Variants in CHRM5 observed in about 807,000 individuals in gnomAD.
CHRM5 encodes muscarinic acetylcholine receptor M5.
In CHRM5, 18 loss-of-function variants were observed where a neutral mutation model predicts 39.0. That is an observed-to-expected ratio of 0.46 (90% CI 0.32 to 0.68). CHRM5 has a LOEUF of 0.68. Among genes scored for constraint, CHRM5 ranks in the 30% least tolerant of loss-of-function variants. The pLI is 0.04. For missense variants in CHRM5, 515 were observed against 651.1 expected (o/e 0.79, Z 2.28); for synonymous variants, 241 against 246.3 (o/e 0.98, Z 0.20).
chr15:34,054,142 C>T (rs150974134), intron 2 of CHRM5, among the ~76,000 whole-genome samples: 413 of 152,266 alleles, frequency 2.7e-3, no homozygotes, highest in African/African-American at 9.2e-3. Flanking sequence ...CATCTCATGC[C>T]AGTGAGAATG....
At position 34,066,352 on chromosome 15, in the gene CHRM5, A is replaced by G. The variant is rs576619355; in HGVS notation, c.*2036A>G. The G allele has an allele frequency of 6.6e-6, 1 of 152,404 alleles. No homozygotes were observed. The highest frequency in any genetic ancestry group is 1.9e-4 in the East Asian group (1 of 5,196). 9.4% of individuals were successfully genotyped at this position (152,404 alleles called of 1,614,324 possible). ...AACCCCTTCATGAGAATAGGCTTTT[A>G]AGCCCATGTTGGGCATTCACCATTC... On this transcript the variant is annotated 3_prime_UTR_variant, in exon 3 of 3. Transcript: ENST00000383263.
chr15:34,011,528 T>C (rs1366779641), intron 1 of CHRM5, among the ~76,000 whole-genome samples: 1 of 152,146 alleles, frequency 6.6e-6, no homozygotes, highest in Non-Finnish European at 1.5e-5. Context: ...AATAAAATGA[T>C]CCACATGATA....
rs551855811 is a variant in CHRM5, at chr15:33,986,433, T to TA, written c.-408+17284dup. ...CCACTGTAAATTTTTATAAACTCTG[T>TA]ATAAACACAAGGCAGAAGACTCTAC... On this transcript the variant is annotated intron_variant, in intron 1 of 2. Transcript: ENST00000383263. 1.3e-4 allele frequency among the ~76,000 whole-genome samples: 20 copies of TA among 152,016 alleles called. No homozygotes were observed. In the South Asian group the frequency reaches 4.0e-3, roughly 30 times the overall value.
intron 1 of CHRM5, among the ~76,000 whole-genome samples, chr15:33,988,208 G>C (rs1896560645): frequency 6.6e-6 from 1 of 152,232 alleles, no homozygotes; most frequent in African/African-American, 2.4e-5. Context: ...AACAAAAAAT[G>C]TGTATCTTAG....
chr15:34,029,428 C>G (rs367803504), intron 1 of CHRM5, among the ~76,000 whole-genome samples: 1 of 149,796 alleles, frequency 6.7e-6, no homozygotes, highest in Non-Finnish European at 1.5e-5. Flanking sequence ...TGCCTGTAAT[C>G]CCAGCACTTT....
At chr15:34,014,863 G>A (rs1162389488) in intron 1 of CHRM5, among the ~76,000 whole-genome samples, 1 of 152,172 alleles carries the variant, frequency 6.6e-6, no homozygotes, top group African/African-American at 2.4e-5. Flanking sequence ...ACTCCACTCT[G>A]AAGAAAAACT....
intron 1 of CHRM5, among the ~76,000 whole-genome samples, chr15:34,009,177 G>C (rs1376220734): frequency 6.6e-6 from 1 of 152,050 alleles, no homozygotes; most frequent in African/African-American, 2.4e-5. Flanking sequence ...TCTTTCAAAA[G>C]TGAGGGTGAA....
chr15:34,060,803 G>A (rs1207891349), intron 2 of CHRM5, among the ~76,000 whole-genome samples: 3 of 152,168 alleles, frequency 2.0e-5, no homozygotes, highest in African/African-American at 7.2e-5. Context: ...CCAAGGGGCA[G>A]AGGTTGCAGT....
intron 1 of CHRM5, chr15:34,039,156 T>C: frequency 1.1e-6 from 1 of 922,344 alleles, no homozygotes; most frequent in Non-Finnish European, 1.3e-6. Flanking sequence ...AGGCGCCCGG[T>C]AGCAGCGAGG....
intron 2 of CHRM5, among the ~76,000 whole-genome samples, chr15:34,055,226 C>T (rs1012752852): frequency 7.3e-5 from 11 of 151,430 alleles, no homozygotes; most frequent in African/African-American, 1.2e-4. Flanking sequence ...AGGCCAGGCC[C>T]GGTAGCTCGC....
chr15:33,988,904 C>T (rs1209639726), intron 1 of CHRM5, among the ~76,000 whole-genome samples: 1 of 152,200 alleles, frequency 6.6e-6, no homozygotes, highest in Admixed American at 6.5e-5. Flanking sequence ...CCAGTTAACA[C>T]TCATAACACA....
chr15:33,977,938 CAG>C (rs1333846107), intron 1 of CHRM5, among the ~76,000 whole-genome samples: 3 of 109,454 alleles, frequency 2.7e-5, no homozygotes, highest in African/African-American at 1.1e-4. Flanking sequence ...CCTGTCAAAA[CAG>C]AGAAAAAAGA....
intron 1 of CHRM5, among the ~76,000 whole-genome samples, chr15:34,021,471 T>C (rs1346801696): frequency 2.0e-5 from 3 of 152,092 alleles, no homozygotes; most frequent in Middle Eastern, 3.4e-3. Flanking sequence ...TTTTAGTATA[T>C]ACGGGGTTTC....
At chr15:34,061,477 TA>T (rs1365125652) in intron 2 of CHRM5, among the ~76,000 whole-genome samples, 1 of 152,222 alleles carries the variant, frequency 6.6e-6, no homozygotes, top group East Asian at 1.9e-4. Context: ...GGCACCCATT[TA>T]AAATAATTAT....
intron 1 of CHRM5, among the ~76,000 whole-genome samples, chr15:34,015,439 AC>A (rs1897851670): frequency 3.3e-5 from 5 of 152,116 alleles, no homozygotes; most frequent in African/African-American, 1.2e-4. Flanking sequence ...CCGAGATCGC[AC>A]CACTGCACTC....
intron 2 of CHRM5, among the ~76,000 whole-genome samples, chr15:34,051,722 G>A (rs933450114): frequency 1.4e-4 from 22 of 152,058 alleles, no homozygotes; most frequent in African/African-American, 4.8e-4. Context: ...TTCTATGCAC[G>A]TAAACTAGAA....
chr15:33,980,545 T>A (rs912480888), intron 1 of CHRM5, among the ~76,000 whole-genome samples: 3 of 152,156 alleles, frequency 2.0e-5, no homozygotes, highest in Admixed American at 1.3e-4. Context: ...AATATACATG[T>A]ATGGGTATCC....
At chr15:34,023,685 C>T (rs2078679420) in intron 1 of CHRM5, among the ~76,000 whole-genome samples, 1 of 152,184 alleles carries the variant, frequency 6.6e-6, no homozygotes, top group Admixed American at 6.5e-5. Flanking sequence ...GCCTCTGTTG[C>T]TTGCCATCCC....
chr15:33,984,788 G>A (rs8038713), intron 1 of CHRM5, among the ~76,000 whole-genome samples: 2 of 151,844 alleles, frequency 1.3e-5, no homozygotes, highest in South Asian at 2.1e-4. Context: ...TGAGACAAAC[G>A]TTAGTAGCAA....
Sources: gnomAD v4.1 joint callset for allele counts (sites outside exome capture counted in the v4.1 genomes callset) on GRCh38, gnomAD v4.1.1 for gene constraint, MANE v1.5 for transcripts, NCBI Gene and HGNC (gene_info 2026-07-23, HGNC 2026-07-21) for gene names.